Variants in TKFC observed in about 807,000 individuals in gnomAD.
TKFC encodes triokinase/FMN cyclase.
Under a neutral mutation model 61.0 loss-of-function variants are expected in TKFC, and 46 were observed. That is an observed-to-expected ratio of 0.75 (90% confidence interval 0.60 to 0.96). TKFC has a LOEUF of 0.96. Among genes scored for constraint, TKFC ranks in the 50% least tolerant of loss-of-function variants. The pLI is 0.00. For synonymous variants in TKFC, 314 were observed against 330.1 expected (o/e 0.95, Z 0.53); for missense variants, 715 against 777.5 (o/e 0.92, Z 0.96).
chr11:61,342,285 C>A, intron 7 of TKFC, 176 bp from the exon 8 acceptor site: 1 of 813,218 alleles, frequency 1.2e-6, no homozygotes, highest in Non-Finnish European at 2.1e-6. Flanking sequence ...CTATCTCCAC[C>A]ACCAGGCCAC....
chr11:61,335,373 T>A (rs959857220), intron 2 of TKFC: 13 of 153,120 alleles, frequency 8.5e-5, no homozygotes, highest in African/African-American at 2.9e-4. Flanking sequence ...CTTCCTTTCC[T>A]TTTCCATCCT....
At chr11:61,340,244 T>C (rs1467468882) in intron 5 of TKFC, among the ~76,000 whole-genome samples, 4 of 151,558 alleles carry the variant, frequency 2.6e-5, no homozygotes, top group African/African-American at 9.8e-5. Flanking sequence ...ACTCCTGACC[T>C]CAAGTGATCT....
At chr11:61,350,959 C>T, downstream of TKFC, 1 of 1,599,284 alleles carries the variant, frequency 6.3e-7, no homozygotes, top group Admixed American at 1.7e-5. Flanking sequence ...CTGGCCCTGT[C>T]CCACCCTGGA....
chr11:61,337,823 C>T, intron 2 of TKFC, 118 bp from the exon 3 acceptor site: 1 of 948,438 alleles, frequency 1.1e-6, no homozygotes, highest in Non-Finnish European at 1.5e-6. Flanking sequence ...AAGTCCTGTG[C>T]TCCTGGAGTT....
At chr11:61,334,861 G>C (rs1340086586) in intron 2 of TKFC, 130 bp downstream of exon 2, 2 of 1,367,604 alleles carry the variant, frequency 1.5e-6, no homozygotes, top group African/African-American at 2.9e-5. Flanking sequence ...CGGGTGAAGA[G>C]AGAGGGTCAT....
chr11:61,352,968 G>A (rs1857486356), downstream of TKFC: 1 of 1,614,080 alleles, frequency 6.2e-7, no homozygotes, highest in Non-Finnish European at 8.5e-7. Context: ...TAGAGTTGGG[G>A]ACCCCACTGC....
At chr11:61,349,344 C>T (rs1857288444), downstream of TKFC, 1 of 559,570 alleles carries the variant, frequency 1.8e-6, no homozygotes, top group Non-Finnish European at 3.2e-6. Flanking sequence ...GGCTGCTGCA[C>T]ACTGGACACC....
Position 61,346,971 on chromosome 11 carries a change from G to A in TKFC, c.*468G>A. The A allele has an allele frequency of 1.0e-6, 1 of 987,246 alleles. No homozygotes were observed. Among genetic ancestry groups the A allele is most frequent in the Non-Finnish European group, 1.2e-6 (1 of 831,138 alleles). The allele number at this position is 987,246 out of a possible 1,614,324, so 61.2% of individuals were successfully genotyped here. ...TTTTCCCAAGCATGTAAACAAGGGG[G>A]CCCACAGCCCTGGCTGCAGGCATCA... On this transcript the variant is annotated 3_prime_UTR_variant, in exon 18 of 18. Transcript: ENST00000394900. This position sits in a 1 kb window ranked among gnomAD's most constrained non-coding sequence, Gnocchi z 4.1.
chr11:61,348,406 G>A lies in TKFC; in HGVS notation c.*1903G>A. The stretch of plus-strand genomic sequence containing the variant: ...GTTGGCCCCTCCCTAGGTCTGTGAG[G>A]GTCAGACCTGTCCTGAGGCTTTTAC... On this transcript the variant is annotated 3_prime_UTR_variant, in exon 18 of 18. Transcript: ENST00000394900. 3 of 984,860 alleles carry A rather than the reference G, an allele frequency of 3.0e-6. No individual in the cohort carries two copies. The highest frequency in any genetic ancestry group is 3.6e-6 in the Non-Finnish European group (3 of 829,474). The allele number at this position is 984,860 out of a possible 1,614,324, so 61.0% of individuals were successfully genotyped here.
chr11:61,351,215 C>T (rs1007743021), downstream of TKFC: 30 of 1,499,582 alleles, frequency 2.0e-5, no homozygotes, highest in African/African-American at 2.1e-4. Context: ...GTGGGAGACT[C>T]GATGTCACTA....
chr11:61,350,048 C>T, downstream of TKFC: 1 of 507,484 alleles, frequency 2.0e-6, no homozygotes, highest in Non-Finnish European at 3.6e-6. Context: ...GAATGGAGGA[C>T]CTGAGAGGCT....
chr11:61,350,967 G>A, downstream of TKFC: 2 of 1,605,338 alleles, frequency 1.2e-6, no homozygotes, highest in Non-Finnish European at 1.7e-6. Context: ...GTCCCACCCT[G>A]GAATGTGGGA....
intron 13 of TKFC, 86 bp downstream of exon 13, chr11:61,344,359 CTTTTTTT>C: frequency 5.5e-6 from 6 of 1,086,656 alleles, no homozygotes; most frequent in East Asian, 5.9e-5. Flanking sequence ...AGGGACCTTC[CTTTTTTT>C]TTTTTTTTTT....
downstream of TKFC, chr11:61,351,211 G>T (rs889314404): frequency 6.6e-7 from 1 of 1,515,134 alleles, no homozygotes; most frequent in African/African-American, 1.4e-5. Flanking sequence ...TCTAGTGGGA[G>T]ACTCGATGTC....
intron 13 of TKFC, 47 bp downstream of exon 13, chr11:61,344,320 G>A: frequency 6.4e-7 from 1 of 1,567,996 alleles, no homozygotes; most frequent in Non-Finnish European, 8.6e-7. Flanking sequence ...CAAAACCTTA[G>A]CCCCCCTTCC....
intron 7 of TKFC, 77 bp downstream of exon 7, chr11:61,341,989 C>A: frequency 7.3e-7 from 1 of 1,378,482 alleles, no homozygotes; most frequent in Non-Finnish European, 1.0e-6. Context: ...ACCCTTAGAG[C>A]CATCAACCTG....
chr11:61,340,169 G>A (rs946130425), intron 5 of TKFC, among the ~76,000 whole-genome samples: 5 of 151,976 alleles, frequency 3.3e-5, no homozygotes, highest in East Asian at 1.9e-4. Flanking sequence ...CTGCCACCAC[G>A]CCCGGCTAAT....
At chr11:61,350,390 C>A (rs1023456157), downstream of TKFC, 1 of 1,608,858 alleles carries the variant, frequency 6.2e-7, no homozygotes, top group Non-Finnish European at 8.5e-7. Context: ...GGAGCCCCTT[C>A]CTGCTGCTTC....
intron 15 of TKFC, 37 bp downstream of exon 15, chr11:61,345,602 C>T: frequency 6.2e-7 from 1 of 1,611,576 alleles, no homozygotes; most frequent in South Asian, 1.1e-5. Context: ...CAGGGGTGGG[C>T]TGGGGGAGGT....
Sources: allele counts gnomAD v4.1 joint callset (sites outside exome capture counted in the v4.1 genomes callset), GRCh38; gene constraint gnomAD v4.1.1; non-coding constraint Gnocchi (gnomAD v3.1); transcripts MANE v1.5; gene names NCBI Gene and HGNC (gene_info 2026-07-23, HGNC 2026-07-21).